Variants in JAK2 observed in about 807,000 individuals in gnomAD.
JAK2 encodes the protein tyrosine-protein kinase JAK2.
JAK2 carries 86 observed loss-of-function variants against 139.3 expected under a neutral mutation model. The ratio of observed to expected loss-of-function variants is 0.62; its 90% confidence interval spans 0.52 to 0.74. The LOEUF is 0.74. Among genes scored for constraint, JAK2 ranks in the 30% least tolerant of loss-of-function variants. The pLI, the probability that JAK2 is intolerant of heterozygous loss-of-function variation, is 0.00. For synonymous variants in JAK2, 490 were observed against 437.7 expected, an observed-to-expected ratio of 1.12 and a Z score of -1.49; for missense variants, 1,421 against 1,360.3, an observed-to-expected ratio of 1.04 and a Z score of -0.70.
In JAK2 at chr9:5,029,844, T is replaced by A; in HGVS notation, c.288T>A (p.Tyr96Ter). The A allele has an allele frequency of 6.2e-7, 1 of 1,611,504 alleles. No homozygotes were observed. Among genetic ancestry groups the A allele is most frequent in the Non-Finnish European group, 8.5e-7 (1 of 1,177,858 alleles). ...TGAGTGAAACAGAAAGGATCTGGTA[T>A]CCACCCAACCATGTCTTCCATATAG... ...ALMSETERIW[Y>*]PPNHVFHIDE... The change falls in exon 4 of 25, where the codon TAT becomes TAA. Residue 96 changes from tyrosine (Y) to a stop codon, truncating the protein, a stop_gained. Transcript: ENST00000381652. LOFTEE classifies it high-confidence loss of function.
rs1194427389 is a variant in JAK2, at chr9:5,022,013, C to T, written c.26C>T (p.Thr9Ile). The change falls in exon 3 of 25, where the codon ACA becomes ATA. Residue 9 changes from threonine to isoleucine, a missense_variant. By Grantham distance (89) the Thr-to-Ile change is moderately conservative (BLOSUM62 -1). Coordinates refer to ENST00000381652, the MANE Select transcript of JAK2 (RefSeq NM_004972.4). MGMACLTM[T>I]EMEGTSTSSI... Reference sequence around the variant, plus strand: ...ATGGGAATGGCCTGCCTTACGATGACAGAAATGGAGGGAACATCCACCTCT... The same window carrying T: ...ATGGGAATGGCCTGCCTTACGATGATAGAAATGGAGGGAACATCCACCTCT... 6.2e-7 allele frequency: 1 copy of T among 1,613,894 alleles called. No homozygotes were observed. The highest frequency in any genetic ancestry group is 1.3e-5 in the African/African-American group (1 of 75,032).
At chr9:5,069,236 A>G in intron 11 of JAK2, 28 bp downstream of exon 11, 1 of 1,471,014 alleles carries the variant, frequency 6.8e-7, no homozygotes. Flanking sequence ...TTATTTTTAA[A>G]TTACTGGTCA....
rs113429931 is a variant in JAK2, at chr9:5,110,847, G to A, written c.3060-12157G>A. On this transcript the variant is annotated intron_variant, in intron 22 of 24. Coordinates refer to ENST00000381652, the MANE Select transcript of JAK2 (RefSeq NM_004972.4). ...CCCGTTTGTTCGGGGAAGGTGGGGGGGACGCTTCATGCCGCCGCGCCCAGC... is the reference window on the plus strand; with the variant it reads ...CCCGTTTGTTCGGGGAAGGTGGGGGAGACGCTTCATGCCGCCGCGCCCAGC... The A allele has an allele frequency of 7.8e-3, 3,653 of 470,800 alleles. 139 individuals carry two copies. The highest frequency in any genetic ancestry group is 0.066 in the African/African-American group (3,366 of 50,800). 29.2% of individuals were successfully genotyped at this position (470,800 alleles called of 1,614,324 possible).
At chr9:5,035,946 T>A (rs941109412) in intron 4 of JAK2, among the ~76,000 whole-genome samples, 1 of 152,222 alleles carries the variant, frequency 6.6e-6, no homozygotes, top group Non-Finnish European at 1.5e-5. Context: ...AAATTGTCCC[T>A]GTTTGCAGAT....
At position 5,069,170 on chromosome 9, in the gene JAK2, T is replaced by C. The variant is rs770630925; in HGVS notation, c.1475T>C (p.Ile492Thr). 1 of 1,609,712 alleles carries C rather than the reference T, an allele frequency of 6.2e-7. No individual in the cohort carries two copies. Among genetic ancestry groups the C allele is most frequent in the Non-Finnish European group, 8.5e-7 (1 of 1,178,672 alleles). Residue 492 changes from isoleucine to threonine, a missense_variant, in exon 11 of 25, where the codon ATT becomes ACT. Physicochemically the swap from Ile to Thr is moderately conservative, Grantham distance 89. Coordinates refer to ENST00000381652, the MANE Select transcript of JAK2 (RefSeq NM_004972.4). ...GAAACTGTTCGCTCAGACAATATAA[T>C]TTTCCAGTTTACTAAATGCTGTCCC... is the stretch of plus-strand genomic sequence containing the variant. ...QMETVRSDNIIFQFTKCCPPK... is the reference protein window; with the variant it reads ...QMETVRSDNITFQFTKCCPPK...
At position 5,069,344 on chromosome 9, in the gene JAK2, T is replaced by C; in HGVS notation, c.1513+136T>C. 3 of 569,476 alleles carry C rather than the reference T, an allele frequency of 5.3e-6. No individual in the cohort carries two copies. The South Asian group carries it at 8.6e-5, about 16-fold the overall frequency. 35.3% of individuals were successfully genotyped at this position (569,476 alleles called of 1,614,324 possible). ...AAGTTAATTTTATCTTATTCTATTG[T>C]ACAAGCATCATCAAATAAGATTGTT... On this transcript the variant is annotated intron_variant, in intron 11 of 24. Transcript: ENST00000381652.
chr9:5,103,221 CAAAAAAAAAAAAAAAAAA>C (rs56691830), intron 22 of JAK2, among the ~76,000 whole-genome samples: 129 of 6,872 alleles, frequency 0.019, 5 homozygotes, highest in African/African-American at 0.063. Context: ...AAAGGGAAAG[CAAAAAAAAAAAAAAAAAA>C]AAAAAAAAAA....
chr9:5,043,601 A>G (rs1816775917), intron 4 of JAK2, among the ~76,000 whole-genome samples: 1 of 152,246 alleles, frequency 6.6e-6, no homozygotes, highest in African/African-American at 2.4e-5. Flanking sequence ...TTCTAGATAT[A>G]TATGCAATAG....
intron 2 of JAK2, among the ~76,000 whole-genome samples, chr9:5,012,152 T>C (rs2129968358): frequency 6.6e-6 from 1 of 152,322 alleles, no homozygotes; most frequent in East Asian, 1.9e-4. Flanking sequence ...CATTCTCTGA[T>C]ACTTTCACCC....
chr9:5,070,291 C>T (rs538480497), intron 12 of JAK2, among the ~76,000 whole-genome samples: 1 of 152,090 alleles, frequency 6.6e-6, no homozygotes, highest in South Asian at 2.1e-4. Context: ...AATGATTCTT[C>T]ACAAATCTCA....
chr9:5,126,538 G>A, intron 24 of JAK2, 92 bp downstream of exon 24: 1 of 980,816 alleles, frequency 1.0e-6, no homozygotes, highest in Admixed American at 2.2e-5. Context: ...TTAATGTGCG[G>A]AGCTTCCAGA....
chr9:5,095,323 C>T (rs1820904748), intron 22 of JAK2, among the ~76,000 whole-genome samples: 1 of 151,772 alleles, frequency 6.6e-6, no homozygotes, highest in African/African-American at 2.4e-5. Context: ...CTGAACAGGC[C>T]TAGGAATAAA....
chr9:5,075,656 C>G (rs575793383), intron 14 of JAK2, among the ~76,000 whole-genome samples: 1 of 152,326 alleles, frequency 6.6e-6, no homozygotes, highest in East Asian at 1.9e-4. Context: ...TGACAATGCA[C>G]CTGGTCACCC....
At chr9:5,085,630 T>C in intron 19 of JAK2, 1 of 712,348 alleles carries the variant, frequency 1.4e-6, no homozygotes, top group Admixed American at 1.9e-5. Context: ...AAGGACAGCC[T>C]TCTTTTCACC....
Position 5,066,731 on chromosome 9 carries a change from A to G in JAK2, c.1268A>G (p.Tyr423Cys), listed in dbSNP as rs1011666024. Residue 423 changes from tyrosine (Y) to cysteine (C), a missense_variant, in exon 10 of 25, where the codon TAT (tyrosine) becomes TGT (cysteine). By Grantham distance (194) the Tyr-to-Cys change is radical (BLOSUM62 -2). Transcript: ENST00000381652. ...AAAGCAGGTAATCAGACTGGACTGT[A>G]TGTACTTCGATGCAGTCCTAAGGAC... Reference protein sequence around the residue: ...LKKAGNQTGLYVLRCSPKDFN... With the variant: ...LKKAGNQTGLCVLRCSPKDFN... 4 of 1,608,078 alleles carry G rather than the reference A, an allele frequency of 2.5e-6. No homozygotes were observed. The highest frequency in any genetic ancestry group is 2.5e-6 in the Non-Finnish European group (3 of 1,177,202).
At chr9:5,081,608 C>T (rs1262593064) in intron 18 of JAK2, 117 bp from the exon 19 acceptor site, 2 of 659,024 alleles carry the variant, frequency 3.0e-6, no homozygotes, top group Non-Finnish European at 5.2e-6. Context: ...TTTGAGTTTC[C>T]CTGTATCATT....
intron 8 of JAK2, among the ~76,000 whole-genome samples, chr9:5,057,654 C>T (rs1256018228): frequency 6.8e-6 from 1 of 146,596 alleles, no homozygotes; most frequent in Admixed American, 7.0e-5. Context: ...GCGATCTTGG[C>T]TCACTGTAAC....
intron 3 of JAK2, among the ~76,000 whole-genome samples, chr9:5,028,730 G>T (rs1189257371): frequency 6.6e-6 from 1 of 152,172 alleles, no homozygotes; most frequent in Non-Finnish European, 1.5e-5. Context: ...TAGGGACATG[G>T]TTTCTTTTCT....
At chr9:5,108,977 C>T (rs1181630690) in intron 22 of JAK2, 1 of 152,138 alleles carries the variant, frequency 6.6e-6, no homozygotes, top group African/African-American at 2.4e-5. Flanking sequence ...ACTCCTCCCA[C>T]TGATATAGCC....
Sources: allele counts gnomAD v4.1 joint callset (sites outside exome capture counted in the v4.1 genomes callset), GRCh38; gene constraint gnomAD v4.1.1; transcripts MANE v1.5; gene names NCBI Gene and HGNC (gene_info 2026-07-23, HGNC 2026-07-21).